Variants in CHD6 observed in about 807,000 individuals in gnomAD.
The protein encoded by CHD6 is ATP-dependent chromatin remodeler CHD6.
Under a neutral mutation model 276.9 loss-of-function variants are expected in CHD6, and 50 were observed. That is an observed-to-expected ratio of 0.18 (90% confidence interval 0.14 to 0.23). The LOEUF (loss-of-function observed/expected upper bound fraction) is 0.23. Among genes scored for constraint, CHD6 ranks in the 10% least tolerant of loss-of-function variants. The probability of loss-of-function intolerance (pLI) is 1.00; values close to 1 mark genes in which losing one functional copy is unlikely to be tolerated. For synonymous variants in CHD6, 1,173 were observed against 1,229.3 expected (o/e 0.95, Z 0.96); for missense variants, 2,564 against 3,365.8 (o/e 0.76, Z 5.89).
chr20:41,582,580 G>A (rs1041873478), intron 1 of CHD6, among the ~76,000 whole-genome samples: 2 of 151,992 alleles, frequency 1.3e-5, no homozygotes, highest in Admixed American at 6.6e-5. Context: ...TCCACCAGTC[G>A]ATCAAAAACT....
At chr20:41,466,577 G>T (rs756639758) in intron 17 of CHD6, among the ~76,000 whole-genome samples, 83 of 152,298 alleles carry the variant, frequency 5.4e-4, no homozygotes, top group Middle Eastern at 3.4e-3. Context: ...TTAAGGAAGT[G>T]ATCATGGTGA....
intron 27 of CHD6, among the ~76,000 whole-genome samples, chr20:41,431,938 C>G (rs1247862287): frequency 6.6e-6 from 1 of 151,876 alleles, no homozygotes; most frequent in Non-Finnish European, 1.5e-5. Context: ...GCGGGTGGAT[C>G]ACCTGAGGTC....
Position 41,415,562 on chromosome 20 carries a change from T to A in CHD6, c.6563A>T (p.Asp2188Val), listed in dbSNP as rs769641239. 16 of 1,613,970 alleles carry A rather than the reference T, an allele frequency of 9.9e-6. No individual in the cohort carries two copies. Among genetic ancestry groups the A allele is most frequent in the Non-Finnish European group, 4.2e-6 (5 of 1,180,014 alleles). The change falls in exon 34 of 37, where the codon GAT (aspartate) becomes GTT (valine). Residue 2188 changes from aspartate (D) to valine (V), a missense_variant. Coordinates refer to ENST00000373233, the MANE Select transcript of CHD6 (RefSeq NM_032221.5). ...RRPYEFEVER[D>V]AKARGLEQFS... Reference sequence around the variant, plus strand: ...CTGCTCCAGGCCCCGAGCCTTTGCATCCCTCTCCACCTCAAACTCATAGGG... The same window carrying A: ...CTGCTCCAGGCCCCGAGCCTTTGCAACCCTCTCCACCTCAAACTCATAGGG...
chr20:41,572,222 C>T (rs892759836), intron 1 of CHD6, among the ~76,000 whole-genome samples: 7 of 152,154 alleles, frequency 4.6e-5, no homozygotes, highest in African/African-American at 1.4e-4. Flanking sequence ...GGAGGGACAA[C>T]GCAGGAAGAA....
chr20:41,550,967 T>C lies in CHD6; in HGVS notation c.33+338A>G, dbSNP rs534724624. Among the ~76,000 whole-genome samples, 122 of 152,338 alleles carry C rather than the reference T, an allele frequency of 8.0e-4. 1 individual carries two copies. The highest frequency in any genetic ancestry group is 2.7e-3 in the African/African-American group (112 of 41,586). On this transcript the variant is annotated intron_variant, in intron 2 of 36. Coordinates refer to ENST00000373233, the MANE Select transcript of CHD6 (RefSeq NM_032221.5). The stretch of plus-strand genomic sequence containing the variant: ...TAGTTTAACCAAAAATCCAGAAGGA[T>C]AAATATATAAAATATAAAGAATTGG...
At chr20:41,434,954 G>A (rs893894377) in intron 27 of CHD6, among the ~76,000 whole-genome samples, 2 of 152,008 alleles carry the variant, frequency 1.3e-5, no homozygotes, top group African/African-American at 2.4e-5. Context: ...CATATACCAA[G>A]ATATACCATA....
At chr20:41,420,174 C>T (rs1600813644) in intron 31 of CHD6, among the ~76,000 whole-genome samples, 1 of 152,188 alleles carries the variant, frequency 6.6e-6, no homozygotes, top group East Asian at 1.9e-4. Flanking sequence ...CTACTTTAGC[C>T]AGTTTGAAGC....
intron 1 of CHD6, among the ~76,000 whole-genome samples, chr20:41,598,636 G>C (rs2045743190): frequency 6.6e-6 from 1 of 152,146 alleles, no homozygotes; most frequent in Non-Finnish European, 1.5e-5. Context: ...TAAAAGCCCT[G>C]CGGGTCAGCC....
chr20:41,605,593 G>A (rs770220098), intron 1 of CHD6, among the ~76,000 whole-genome samples: 7 of 151,936 alleles, frequency 4.6e-5, no homozygotes, highest in Admixed American at 2.0e-4. Flanking sequence ...TATTTTAAAG[G>A]GTGTATTAGT....
chr20:41,583,093 A>G (rs2045558055), intron 1 of CHD6, among the ~76,000 whole-genome samples: 1 of 152,172 alleles, frequency 6.6e-6, no homozygotes. Flanking sequence ...GGGGGAAAAA[A>G]AGGCTAAGAA....
At position 41,439,984 on chromosome 20, in the gene CHD6, C is replaced by T. The variant is rs764925905; in HGVS notation, c.4007+16G>A. ...CATGGCATGTCACATGAGGGCTGGC[C>T]TACGTGGCTTCTCACCTTTCAGGAA... On this transcript the variant is annotated intron_variant, in intron 26 of 36. Coordinates refer to ENST00000373233, the MANE Select transcript of CHD6 (RefSeq NM_032221.5). 4 of 1,613,196 alleles carry T rather than the reference C, an allele frequency of 2.5e-6. No homozygotes were observed. In the South Asian group the frequency reaches 3.3e-5, roughly 13 times the overall value.
intron 1 of CHD6, among the ~76,000 whole-genome samples, chr20:41,570,322 T>C (rs2045403186): frequency 6.6e-6 from 1 of 152,136 alleles, no homozygotes; most frequent in Non-Finnish European, 1.5e-5. Context: ...CACAGACAAG[T>C]GATGCAGGCA....
At chr20:41,482,698 T>C in intron 16 of CHD6, 1 of 354,478 alleles carries the variant, frequency 2.8e-6, no homozygotes, top group Non-Finnish European at 5.5e-6. Flanking sequence ...AGGTAACAAA[T>C]GTAGTTTCCA....
At chr20:41,482,265 A>C (rs1313373400) in intron 16 of CHD6, among the ~76,000 whole-genome samples, 1 of 152,174 alleles carries the variant, frequency 6.6e-6, no homozygotes, top group African/African-American at 2.4e-5. Context: ...GAAAGCTACA[A>C]AACTGCTTTG....
Position 41,473,532 on chromosome 20 carries a change from A to G in CHD6, c.2469-15T>C. On this transcript the variant is annotated splice_polypyrimidine_tract_variant and intron_variant, in intron 16 of 36. Transcript: ENST00000373233. This position sits in a 1 kb window ranked among gnomAD's most constrained non-coding sequence, Gnocchi z 4.1. ...CATAGGTGTATCTGAGGGGACCCAA[A>G]TGAACGAAAGCCCAGGCGTTAATCA... is the stretch of plus-strand genomic sequence containing the variant. The G allele has an allele frequency of 6.2e-7, 1 of 1,610,794 alleles. No homozygotes were observed. Among genetic ancestry groups the G allele is most frequent in the South Asian group, 1.1e-5 (1 of 90,994 alleles).
intron 1 of CHD6, among the ~76,000 whole-genome samples, chr20:41,559,760 C>A (rs1369876719): frequency 3.3e-5 from 5 of 152,116 alleles, no homozygotes; most frequent in Admixed American, 3.3e-4. Context: ...TCCTCTTGAC[C>A]TCTATGTGGC....
At position 41,483,465 on chromosome 20, in the gene CHD6, G is replaced by A. The variant is rs2043341258; in HGVS notation, c.2312C>T (p.Pro771Leu). 5 of 1,613,660 alleles carry A rather than the reference G, an allele frequency of 3.1e-6. No homozygotes were observed. Among genetic ancestry groups the A allele is most frequent in the Non-Finnish European group, 4.2e-6 (5 of 1,179,832 alleles). ...AATCATGGCCTGCAGCTGAAAGTCA[G>A]GGGCATCAGGGCTGTGGGTTTTTCG... ...DFRKTHSPDA[P>L]DFQLQAMIQA... The change falls in exon 16 of 37, where the codon CCT becomes CTT. Residue 771 changes from proline (P) to leucine (L), a missense_variant. Transcript: ENST00000373233.
chr20:41,598,823 G>A (rs780604807), intron 1 of CHD6, among the ~76,000 whole-genome samples: 3 of 152,180 alleles, frequency 2.0e-5, no homozygotes, highest in Non-Finnish European at 4.4e-5. Context: ...TGGTGGTACT[G>A]TGGTGGACCA....
At chr20:41,542,161 C>T (rs928639787) in intron 2 of CHD6, among the ~76,000 whole-genome samples, 3 of 152,184 alleles carry the variant, frequency 2.0e-5, no homozygotes, top group African/African-American at 7.2e-5. Context: ...ATGTTTGCTC[C>T]ACCAACAAAG....
Sources: gnomAD v4.1 joint callset for allele counts (sites outside exome capture counted in the v4.1 genomes callset) on GRCh38, gnomAD v4.1.1 for gene constraint, Gnocchi (gnomAD v3.1) non-coding constraint, MANE v1.5 for transcripts, NCBI Gene and HGNC (gene_info 2026-07-23, HGNC 2026-07-21) for gene names.